FAM151B: variants seen among roughly 807,000 people sequenced by gnomAD.
FAM151B encodes the protein protein FAM151B.
Under a neutral mutation model 31.2 loss-of-function variants are expected in FAM151B, and 24 were observed. That is an observed-to-expected ratio of 0.77 (90% CI 0.56 to 1.08). The LOEUF (loss-of-function observed/expected upper bound fraction) is 1.08. Among genes scored for constraint, FAM151B ranks in the 50% least tolerant of loss-of-function variants. The probability of loss-of-function intolerance (pLI) is 0.00; values close to 1 mark genes in which losing one functional copy is unlikely to be tolerated. For missense variants in FAM151B, 293 were observed against 328.6 expected, an observed-to-expected ratio of 0.89 and a Z score of 0.84; for synonymous variants, 105 against 111.4, an observed-to-expected ratio of 0.94 and a Z score of 0.36.
At chr5:80,514,226 G>C (rs1247194774) in intron 3 of FAM151B, among the ~76,000 whole-genome samples, 1 of 152,074 alleles carries the variant, frequency 6.6e-6, no homozygotes, top group Non-Finnish European at 1.5e-5. Context: ...TGTAATTCCA[G>C]CACTTTGGGA....
chr5:80,504,979 C>T (rs547316965), intron 2 of FAM151B, among the ~76,000 whole-genome samples: 8 of 152,286 alleles, frequency 5.3e-5, no homozygotes, highest in Non-Finnish European at 8.8e-5. Flanking sequence ...GGTGAAAGAA[C>T]AACTTCTCTG....
chr5:80,504,996 C>T (rs150990455), intron 2 of FAM151B, among the ~76,000 whole-genome samples: 39 of 152,278 alleles, frequency 2.6e-4, no homozygotes, highest in African/African-American at 7.2e-4. Flanking sequence ...TCTGTATCTG[C>T]CCTCCCCCTG....
intron 4 of FAM151B, among the ~76,000 whole-genome samples, chr5:80,521,708 A>G (rs2431223): frequency 0.096 from 14,539 of 152,134 alleles, 952 homozygotes; most frequent in African/African-American, 0.18. Flanking sequence ...AATAAAATCT[A>G]GTGGTGTAAA....
At chr5:80,524,698 A>G (rs1274154158) in intron 5 of FAM151B, among the ~76,000 whole-genome samples, 3 of 152,190 alleles carry the variant, frequency 2.0e-5, no homozygotes, top group East Asian at 3.8e-4. Context: ...TATACTTTTT[A>G]TGGTAAAAGC....
At position 80,505,749 on chromosome 5, in the gene FAM151B, A is replaced by ATTTTTT. The variant is rs386404255; in HGVS notation, c.151+3852_151+3857dup. On this transcript the variant is annotated intron_variant, in intron 2 of 5. Coordinates refer to ENST00000282226, the MANE Select transcript of FAM151B (RefSeq NM_205548.3). ...TCCCCTTTTCTTTCTTCCTATAAGAATTTTTTTTTTTTTTTTTTTTTTTTT... is the reference window on the plus strand; with the variant it reads ...TCCCCTTTTCTTTCTTCCTATAAGAATTTTTTTTTTTTTTTTTTTTTTTTTTTTTTT... 2.7e-4 allele frequency among the ~76,000 whole-genome samples: 21 copies of ATTTTTT among 77,862 alleles called. 1 individual carries two copies. The highest frequency in any genetic ancestry group is 4.7e-4 in the African/African-American group (8 of 17,106). The allele number at this position is 77,862 out of a possible 152,430, so 51.1% of individuals were successfully genotyped here. A position where few individuals can be genotyped will look rare whatever the true frequency, so the allele number is the denominator to read the frequency against.
rs1486690386 is a variant in FAM151B, at chr5:80,488,117, CGTCACCATG to C, written c.-5_4del. On this transcript the variant is annotated start_lost and 5_prime_UTR_variant, in exon 1 of 6. Transcript: ENST00000282226. ...GGGCGCCTGCGCGGACGGCGGGCGT[CGTCACCATG>C]GCAGCATCCGCTGGAGGCCCAGGTA... The C allele has an allele frequency of 6.5e-7, 1 of 1,541,992 alleles. No homozygotes were observed. Among genetic ancestry groups the C allele is most frequent in the Non-Finnish European group, 8.7e-7 (1 of 1,147,402 alleles).
chr5:80,535,363 T>C (rs572180633), intron 5 of FAM151B, among the ~76,000 whole-genome samples: 4 of 152,292 alleles, frequency 2.6e-5, no homozygotes, highest in African/African-American at 9.6e-5. Context: ...TACAGAGCTA[T>C]AGTAACCAAA....
chr5:80,497,660 A>T (rs370225911), intron 1 of FAM151B, among the ~76,000 whole-genome samples: 4 of 152,032 alleles, frequency 2.6e-5, no homozygotes, highest in African/African-American at 9.7e-5. Context: ...CTTACTTTAA[A>T]TTTTTTTAAA....
intron 5 of FAM151B, among the ~76,000 whole-genome samples, chr5:80,532,637 A>G (rs1420240886): frequency 2.0e-5 from 3 of 152,338 alleles, no homozygotes; most frequent in African/African-American, 4.8e-5. Flanking sequence ...AATCTGCACT[A>G]TAGAGCAAAT....
intron 5 of FAM151B, among the ~76,000 whole-genome samples, chr5:80,540,510 T>C (rs1168961988): frequency 6.6e-6 from 1 of 152,186 alleles, no homozygotes; most frequent in Non-Finnish European, 1.5e-5. Context: ...TAAATGTTTT[T>C]CCATCCATTT....
At position 80,501,801 on chromosome 5, in the gene FAM151B, G is replaced by T; in HGVS notation, c.35G>T (p.Ser12Ile). Reference protein sequence around the residue: ...AASAGGPGSWSENILEYFLRN... With the variant: ...AASAGGPGSWIENILEYFLRN... Reference sequence around the variant, plus strand: ...AACACTGTTATTTTAGGATCTTGGAGTGAAAATATACTGGAATATTTTCTG... The same window carrying T: ...AACACTGTTATTTTAGGATCTTGGATTGAAAATATACTGGAATATTTTCTG... Residue 12 changes from serine (S) to isoleucine (I), a missense_variant, in exon 2 of 6, where the codon AGT (serine) becomes ATT (isoleucine). Physicochemically the swap from Ser to Ile is moderately radical, Grantham distance 142. Coordinates refer to ENST00000282226, the MANE Select transcript of FAM151B (RefSeq NM_205548.3). 6.3e-7 allele frequency: 1 copy of T among 1,598,080 alleles called. No homozygotes were observed. Among genetic ancestry groups the T allele is most frequent in the Non-Finnish European group, 8.5e-7 (1 of 1,170,282 alleles).
chr5:80,516,451 A>G (rs1744446489), intron 3 of FAM151B, among the ~76,000 whole-genome samples: 1 of 152,230 alleles, frequency 6.6e-6, no homozygotes, highest in African/African-American at 2.4e-5. Flanking sequence ...TAAGTACGAT[A>G]TTTATTTTAT....
intron 4 of FAM151B, among the ~76,000 whole-genome samples, 197 bp downstream of exon 4, chr5:80,520,107 G>C (rs1030691591): frequency 6.6e-6 from 1 of 152,136 alleles, no homozygotes; most frequent in Non-Finnish European, 1.5e-5. Flanking sequence ...TGACGCTGCA[G>C]ATTTTAAGAG....
intron 3 of FAM151B, 139 bp from the exon 4 acceptor site, chr5:80,519,554 G>A: frequency 2.9e-6 from 2 of 695,066 alleles, no homozygotes. Flanking sequence ...CTGGTGCTAT[G>A]CGATCTTTGA....
chr5:80,489,336 C>T (rs927239713), intron 1 of FAM151B, among the ~76,000 whole-genome samples: 7 of 152,014 alleles, frequency 4.6e-5, no homozygotes, highest in Non-Finnish European at 1.0e-4. Flanking sequence ...GAACTTTTTT[C>T]TCTCTCTCTT....
At chr5:80,523,846 G>C (rs1405719123) in intron 5 of FAM151B, among the ~76,000 whole-genome samples, 1 of 152,120 alleles carries the variant, frequency 6.6e-6, no homozygotes, top group African/African-American at 2.4e-5. Flanking sequence ...AGAAATATTA[G>C]GTGATACCAG....
At chr5:80,494,158 C>A (rs1743416042) in intron 1 of FAM151B, among the ~76,000 whole-genome samples, 1 of 152,212 alleles carries the variant, frequency 6.6e-6, no homozygotes, top group Non-Finnish European at 1.5e-5. Flanking sequence ...AAACCAGCCA[C>A]AACATTCCCT....
At chr5:80,531,162 G>T (rs1745226903) in intron 5 of FAM151B, among the ~76,000 whole-genome samples, 1 of 152,164 alleles carries the variant, frequency 6.6e-6, no homozygotes, top group Non-Finnish European at 1.5e-5. Flanking sequence ...AATAAATGGT[G>T]CTGGGAAAAC....
At chr5:80,525,660 T>C (rs1310451257) in intron 5 of FAM151B, among the ~76,000 whole-genome samples, 1 of 152,112 alleles carries the variant, frequency 6.6e-6, no homozygotes, top group Non-Finnish European at 1.5e-5. Context: ...AATGTCAGCA[T>C]GCACATAAGT....
Sources: gnomAD v4.1 joint callset for allele counts (sites outside exome capture counted in the v4.1 genomes callset) on GRCh38, gnomAD v4.1.1 for gene constraint, MANE v1.5 for transcripts, NCBI Gene and HGNC (gene_info 2026-07-23, HGNC 2026-07-21) for gene names.